Variants in SLC25A51 observed in about 807,000 individuals in gnomAD.
SLC25A51 encodes the protein solute carrier family 25 member 51.
SLC25A51 carries 11 observed loss-of-function variants against 19.1 expected under a neutral mutation model. That is an observed-to-expected ratio of 0.58 (90% CI 0.36 to 0.96). The LOEUF is 0.96. Among genes scored for constraint, SLC25A51 ranks in the 40% least tolerant of loss-of-function variants. SLC25A51 has a pLI of 0.01. For synonymous variants in SLC25A51, 105 were observed against 133.6 expected (o/e 0.79, Z 1.47); for missense variants, 201 against 365.4 (o/e 0.55, Z 3.67).
chr9:37,884,192 C>T (rs1831401879), downstream of SLC25A51, among the ~76,000 whole-genome samples: 1 of 152,212 alleles, frequency 6.6e-6, no homozygotes, highest in Non-Finnish European at 1.5e-5. Flanking sequence ...GCATAATCCA[C>T]TTTTTCAGTC....
chr9:37,886,172 G>C, downstream of SLC25A51: 3 of 1,476,664 alleles, frequency 2.0e-6, no homozygotes, highest in Non-Finnish European at 2.8e-6. Context: ...CCTGTTCCAA[G>C]GTGGCAAGAA....
Position 37,891,407 on chromosome 9 carries a change from G to T in SLC25A51, c.-42-2815C>A, listed in dbSNP as rs538906734. Among the ~76,000 whole-genome samples the T allele has an allele frequency of 5.3e-4, 81 of 152,308 alleles. 1 individual carries two copies. Among genetic ancestry groups the T allele is most frequent in the African/African-American group, 1.9e-3 (79 of 41,576 alleles). ...CCATGATGACGATGGCGGTTTTGTC[G>T]AATAGAAAAGGGGGAAATGTGGGGA... On this transcript the variant is annotated intron_variant, in intron 2 of 2. Coordinates refer to ENST00000242275, the MANE Select transcript of SLC25A51 (RefSeq NM_033412.4).
At position 37,893,939 on chromosome 9, in the gene SLC25A51, G is replaced by A. The variant is rs188125657; in HGVS notation, c.-42-5347C>T. On this transcript the variant is annotated intron_variant, in intron 2 of 2. Coordinates refer to ENST00000242275, the MANE Select transcript of SLC25A51 (RefSeq NM_033412.4). Reference sequence around the variant, plus strand: ...CAGCAATCAGCCTGACTCTGTTCACGCTCACCCACCCCTATTCCCTGCCCT... The same window carrying A: ...CAGCAATCAGCCTGACTCTGTTCACACTCACCCACCCCTATTCCCTGCCCT... Among the ~76,000 whole-genome samples, 349 of 152,118 alleles carry A rather than the reference G, an allele frequency of 2.3e-3. 2 individuals are homozygous for A. The highest frequency in any genetic ancestry group is 7.5e-3 in the African/African-American group (311 of 41,474).
In SLC25A51 at chr9:37,897,114, C is replaced by T. The variant is rs538683939; in HGVS notation, c.-43+2715G>A. 7.2e-5 allele frequency among the ~76,000 whole-genome samples: 11 copies of T among 152,262 alleles called. No homozygotes were observed. The South Asian group carries it at 2.3e-3, about 32-fold the overall frequency. On this transcript the variant is annotated intron_variant, in intron 2 of 2. Transcript: ENST00000242275. ...CAAGAACTTGGTATCTTCCTATTTA[C>T]TTATAACTTTTTGCAAACCTTAAAG...
chr9:37,892,886 C>T (rs570364120), intron 2 of SLC25A51, among the ~76,000 whole-genome samples: 8 of 151,980 alleles, frequency 5.3e-5, no homozygotes, highest in African/African-American at 1.4e-4. Flanking sequence ...ATTACAAGTG[C>T]GCACCACCAT....
chr9:37,894,476 G>A (rs988629131), intron 2 of SLC25A51, among the ~76,000 whole-genome samples: 7 of 151,854 alleles, frequency 4.6e-5, no homozygotes, highest in Admixed American at 3.3e-4. Flanking sequence ...ACAGGTGCCC[G>A]CCACCATGCC....
chr9:37,893,579 A>ACC, intron 2 of SLC25A51, among the ~76,000 whole-genome samples: 1 of 152,242 alleles, frequency 6.6e-6, no homozygotes, highest in African/African-American at 2.4e-5. Flanking sequence ...GGTCCAAAAT[A>ACC]TTTTGTTCAG....
chr9:37,894,309 C>T (rs1250774431), intron 2 of SLC25A51, among the ~76,000 whole-genome samples: 1 of 151,900 alleles, frequency 6.6e-6, no homozygotes, highest in Non-Finnish European at 1.5e-5. Flanking sequence ...AAACCTGCCC[C>T]CACTCACCTT....
At chr9:37,888,860 A>C (rs961902707) in intron 2 of SLC25A51, among the ~76,000 whole-genome samples, 4 of 152,254 alleles carry the variant, frequency 2.6e-5, no homozygotes, top group Non-Finnish European at 2.9e-5. Context: ...CAACAGACTG[A>C]ATGCAGCAAA....
In SLC25A51 at chr9:37,887,732, A is replaced by C; in HGVS notation, c.819T>G (p.His273Gln). ...AGATGAGGGACCGATGGTAATTCAG[A>C]TGGGCACCTCTGAAAAGATTTATCA... ...RKLINLFRGA[H>Q]LNYHRSLISW... The change falls in exon 3 of 3, where the codon CAT becomes CAG. Residue 273 changes from histidine (H) to glutamine (Q), a missense_variant. By Grantham distance (24) the His-to-Gln change is conservative (BLOSUM62 0). Coordinates refer to ENST00000242275, the MANE Select transcript of SLC25A51 (RefSeq NM_033412.4). 1 of 1,613,962 alleles carries C rather than the reference A, an allele frequency of 6.2e-7. No homozygotes were observed. The highest frequency in any genetic ancestry group is 8.5e-7 in the Non-Finnish European group (1 of 1,179,856).
downstream of SLC25A51, among the ~76,000 whole-genome samples, chr9:37,883,665 T>C (rs1831390478): frequency 6.6e-6 from 1 of 152,256 alleles, no homozygotes; most frequent in Non-Finnish European, 1.5e-5. Flanking sequence ...GTGCTCAAAG[T>C]CACACGCATG....
At chr9:37,902,238 G>A (rs977469014) in intron 1 of SLC25A51, among the ~76,000 whole-genome samples, 14 of 152,210 alleles carry the variant, frequency 9.2e-5, no homozygotes, top group Non-Finnish European at 1.9e-4. Flanking sequence ...ATTACTTTCT[G>A]AAATTTTGCA....
At chr9:37,901,942 T>C (rs564462051) in intron 1 of SLC25A51, among the ~76,000 whole-genome samples, 1 of 152,378 alleles carries the variant, frequency 6.6e-6, no homozygotes, top group Admixed American at 6.5e-5. Context: ...CTAGAAATGC[T>C]TGATACCTAT....
chr9:37,898,972 C>T (rs546979976), intron 2 of SLC25A51, among the ~76,000 whole-genome samples: 130 of 152,240 alleles, frequency 8.5e-4, no homozygotes, highest in Non-Finnish European at 1.1e-3. Flanking sequence ...AAGAGTACAG[C>T]CTCTGGAACC....
intron 1 of SLC25A51, among the ~76,000 whole-genome samples, chr9:37,902,779 G>A (rs1332994504): frequency 6.6e-6 from 1 of 152,220 alleles, no homozygotes; most frequent in African/African-American, 2.4e-5. Flanking sequence ...AAGCTTCTGT[G>A]ACTAAGAAAA....
chr9:37,878,971 G>A (rs55889614), downstream of SLC25A51: 44,010 of 232,342 alleles, frequency 0.19, 4,805 homozygotes, highest in Non-Finnish European at 0.2. Flanking sequence ...CAAATGGTAA[G>A]GAAAAACTTT....
chr9:37,887,591 AGG>A, downstream of SLC25A51: 1 of 1,400,002 alleles, frequency 7.1e-7, no homozygotes, highest in Non-Finnish European at 9.7e-7. Context: ...AAAAAAAAAG[AGG>A]CCAAACTGCA....
intron 2 of SLC25A51, among the ~76,000 whole-genome samples, chr9:37,890,695 T>TA (rs60988477): frequency 0.16 from 22,762 of 145,844 alleles, 1,780 homozygotes; most frequent in South Asian, 0.24. Context: ...TACCCTGCTT[T>TA]AAAAAAAAAA....
At chr9:37,892,473 A>G (rs1456694372) in intron 2 of SLC25A51, among the ~76,000 whole-genome samples, 2 of 152,240 alleles carry the variant, frequency 1.3e-5, no homozygotes, top group Admixed American at 1.3e-4. Context: ...ATGAGGACAG[A>G]GAAGCCGGTT....
Sources: gnomAD v4.1 joint callset for allele counts (sites outside exome capture counted in the v4.1 genomes callset) on GRCh38, gnomAD v4.1.1 for gene constraint, MANE v1.5 for transcripts, NCBI Gene and HGNC (gene_info 2026-07-23, HGNC 2026-07-21) for gene names.